DLG5: variants seen among roughly 807,000 people sequenced by gnomAD.
The protein encoded by DLG5 is discs large MAGUK scaffold protein 5.
Under a neutral mutation model 189.8 loss-of-function variants are expected in DLG5, and 48 were observed. The ratio of observed to expected loss-of-function variants is 0.25; its 90% CI spans 0.20 to 0.32. The LOEUF (loss-of-function observed/expected upper bound fraction) is 0.32. DLG5 is among the 10% of genes least tolerant of loss of function. The pLI, the probability that DLG5 is intolerant of heterozygous loss-of-function variation, is 1.00. For synonymous variants in DLG5, 1,016 were observed against 1,054.1 expected (o/e 0.96, Z 0.70); for missense variants, 2,160 against 2,544.7 (o/e 0.85, Z 3.25).
rs766838261 is a variant in DLG5, at chr10:77,807,783, CA to C, written c.4796+12del. 49 of 1,609,042 alleles carry C rather than the reference CA, an allele frequency of 3.0e-5. No homozygotes were observed. In the South Asian group the frequency reaches 5.0e-4, roughly 16 times the overall value. ...GGTTCCAAATCTCCCACCGATTCCC[CA>C]GCCACTGGTACCTGATGTAGAAGCT... On this transcript the variant is annotated intron_variant, in intron 25 of 31. Coordinates refer to ENST00000372391, the MANE Select transcript of DLG5 (RefSeq NM_004747.4).
At chr10:77,869,102 G>A in intron 2 of DLG5, 27 bp downstream of exon 2, 2 of 1,608,038 alleles carry the variant, frequency 1.2e-6, no homozygotes, top group Non-Finnish European at 1.7e-6. Context: ...GGCCCACCCG[G>A]TGTCCTCCCC....
At position 77,838,461 on chromosome 10, in the gene DLG5, C is replaced by T. The variant is rs1308372108; in HGVS notation, c.1438-2539G>A. 2.0e-5 allele frequency among the ~76,000 whole-genome samples: 3 copies of T among 152,154 alleles called. No individual in the cohort carries two copies. In the East Asian group the frequency reaches 5.8e-4, roughly 29 times the overall value. On this transcript the variant is annotated intron_variant, in intron 7 of 31. Transcript: ENST00000372391. Reference sequence around the variant, plus strand: ...CCCGAGGATATCTCTCCCCTGGGAGCTGGGAAGAAGAAGGCGAGGGAGGCA... The same window carrying T: ...CCCGAGGATATCTCTCCCCTGGGAGTTGGGAAGAAGAAGGCGAGGGAGGCA...
chr10:77,792,474 T>A lies in DLG5; in HGVS notation c.5726A>T (p.Asn1909Ile). The change falls in exon 32 of 32, where the codon AAT (asparagine) becomes ATT (isoleucine). Residue 1909 changes from asparagine to isoleucine, a missense_variant. Asn to Ile is a moderately radical substitution (Grantham distance 149). This residue lies in a region of DLG5 where 574 missense variants were observed against 644.2 expected (regional missense o/e 0.89). Transcript: ENST00000372391. ...GCAGGCTGGAATCCACAGGACTTTA[T>A]TTTGTTCTTGATTGACCATTGCCAA... Reference protein sequence around the residue: ...QILAMVNQEQNKVLWIPACPL With the variant: ...QILAMVNQEQIKVLWIPACPL The A allele has an allele frequency of 2.5e-6, 4 of 1,614,248 alleles. No homozygotes were observed. Among genetic ancestry groups the A allele is most frequent in the Non-Finnish European group, 3.4e-6 (4 of 1,180,050 alleles).
chr10:77,835,527 G>A (rs1474201492), intron 8 of DLG5, among the ~76,000 whole-genome samples: 1 of 152,194 alleles, frequency 6.6e-6, no homozygotes, highest in Non-Finnish European at 1.5e-5. Context: ...GGACACCTAG[G>A]GCTGAGTGAG....
chr10:77,829,086 T>A, intron 12 of DLG5, 101 bp from the exon 13 acceptor site: 1 of 1,330,774 alleles, frequency 7.5e-7, no homozygotes, highest in Non-Finnish European at 1.1e-6. Context: ...AAAGAGGATG[T>A]CAGCAGGCTG....
chr10:77,932,434 G>A, the DLG5 span, among the ~76,000 whole-genome samples: 1 of 152,176 alleles, frequency 6.6e-6, no homozygotes, highest in Non-Finnish European at 1.5e-5. Flanking sequence ...AAACTAAAGA[G>A]TTTTGCATTG....
chr10:77,931,858 G>T, the DLG5 span, among the ~76,000 whole-genome samples: 2 of 152,156 alleles, frequency 1.3e-5, no homozygotes, highest in East Asian at 3.8e-4. Context: ...GTACTTCCCG[G>T]AGCCTCAATT....
At chr10:77,880,036 G>A (rs1398837569) in intron 1 of DLG5, among the ~76,000 whole-genome samples, 1 of 152,154 alleles carries the variant, frequency 6.6e-6, no homozygotes, top group Non-Finnish European at 1.5e-5. Flanking sequence ...CAGACAGCAA[G>A]GGCAGTGGAG....
At chr10:77,929,743 T>A (rs1846769437), upstream of DLG5, 1 of 152,294 alleles carries the variant, frequency 6.6e-6, no homozygotes, top group South Asian at 2.1e-4. Flanking sequence ...CCTGAGAGTA[T>A]CCAGAAGAAA....
chr10:77,837,623 T>C (rs549775712), intron 7 of DLG5, among the ~76,000 whole-genome samples: 73 of 152,162 alleles, frequency 4.8e-4, no homozygotes, highest in Non-Finnish European at 9.4e-4. Context: ...ATGGTAAAAT[T>C]TGGAAGCCCA....
intron 1 of DLG5, among the ~76,000 whole-genome samples, chr10:77,915,219 T>A (rs935813358): frequency 6.6e-6 from 1 of 151,548 alleles, no homozygotes; most frequent in Admixed American, 6.6e-5. Flanking sequence ...CCCAGCTACT[T>A]GGTAGGCTGA....
chr10:77,919,351 G>A (rs868499893), intron 1 of DLG5, among the ~76,000 whole-genome samples: 1 of 152,010 alleles, frequency 6.6e-6, no homozygotes, highest in African/African-American at 2.4e-5. Flanking sequence ...TCCTGATGTA[G>A]AGCTGGAAGG....
In DLG5 at chr10:77,926,341, G is replaced by A. The variant is rs764937872; in HGVS notation, c.180C>T (p.Leu60=). ...GGAAGTGGTCCCGCTCCTTGGCCAA[G>A]AGCAGCTTGAGCAGCAGCTCCGCCT... ...GAKAELLLKL[L]LAKERDHFQD... Residue 60 remains leucine, a synonymous_variant, in exon 1 of 32, where the codon CTC becomes CTT. Coordinates refer to ENST00000372391, the MANE Select transcript of DLG5 (RefSeq NM_004747.4). The surrounding 1 kb of genome is among the most constrained non-coding windows in gnomAD (Gnocchi z 5.2). 6.2e-7 allele frequency: 1 copy of A among 1,603,336 alleles called. No individual in the cohort carries two copies. Among genetic ancestry groups the A allele is most frequent in the Admixed American group, 1.7e-5 (1 of 58,594 alleles).
intron 1 of DLG5, among the ~76,000 whole-genome samples, chr10:77,910,119 T>C (rs533834396): frequency 8.5e-5 from 13 of 152,242 alleles, no homozygotes; most frequent in African/African-American, 2.9e-4. Context: ...AAGCCCCCAG[T>C]GTGACAGATG....
intron 1 of DLG5, among the ~76,000 whole-genome samples, chr10:77,919,588 T>A (rs993648620): frequency 8.1e-6 from 1 of 123,716 alleles, no homozygotes; most frequent in Middle Eastern, 3.9e-3. Context: ...TCAGGGCTTT[T>A]TTTTTTTTTT....
intron 30 of DLG5, among the ~76,000 whole-genome samples, 198 bp downstream of exon 30, chr10:77,794,651 G>A (rs575147045): frequency 1.3e-5 from 2 of 152,308 alleles, no homozygotes; most frequent in South Asian, 4.1e-4. Context: ...AAGGGGCTGC[G>A]CTTGGCTGAC....
chr10:77,805,940 A>C, intron 26 of DLG5, 79 bp from the exon 27 acceptor site: 1 of 1,420,524 alleles, frequency 7.0e-7, no homozygotes, highest in Non-Finnish European at 9.6e-7. Flanking sequence ...TGGTGAGAAA[A>C]GCAAAGGTGG....
At chr10:77,935,620 C>G in the DLG5 span, among the ~76,000 whole-genome samples, 1 of 152,192 alleles carries the variant, frequency 6.6e-6, no homozygotes, top group Non-Finnish European at 1.5e-5. Flanking sequence ...AGGCTGCCAA[C>G]AAGAGCATGT....
intron 1 of DLG5, among the ~76,000 whole-genome samples, chr10:77,919,465 C>T (rs1160751198): frequency 6.6e-6 from 1 of 151,070 alleles, no homozygotes; most frequent in Non-Finnish European, 1.5e-5. Context: ...CCCGTCAATG[C>T]TCAACCTCTT....
Sources: allele counts gnomAD v4.1 joint callset (sites outside exome capture counted in the v4.1 genomes callset), GRCh38; gene constraint gnomAD v4.1.1; regional missense constraint gnomAD v4.1.1; non-coding constraint Gnocchi (gnomAD v3.1); transcripts MANE v1.5; gene names NCBI Gene and HGNC (gene_info 2026-07-23, HGNC 2026-07-21).